The following MCF2L2 variants were observed in gnomAD, a reference collection of about 807,000 sequenced individuals.
MCF2L2 encodes probable guanine nucleotide exchange factor MCF2L2.
Under a neutral mutation model 150.2 loss-of-function variants are expected in MCF2L2, and 102 were observed. The ratio of observed to expected loss-of-function variants is 0.68; its 90% CI spans 0.58 to 0.80. The LOEUF (loss-of-function observed/expected upper bound fraction) is 0.80, where lower values mean the gene tolerates loss of function less well. MCF2L2 is among the 30% of genes least tolerant of loss of function. The pLI, the probability that MCF2L2 is intolerant of heterozygous loss-of-function variation, is 0.00. For missense variants in MCF2L2, 1,256 were observed against 1,372.8 expected (o/e 0.91, Z 1.34); for synonymous variants, 465 against 491.3 (o/e 0.95, Z 0.71).
At chr3:183,392,157 C>T (rs1714191846) in intron 1 of MCF2L2, among the ~76,000 whole-genome samples, 1 of 152,130 alleles carries the variant, frequency 6.6e-6, no homozygotes, top group African/African-American at 2.4e-5. Context: ...TTAAATTAAA[C>T]ATTTTAAAGA....
chr3:183,319,824 C>T (rs1332516653), intron 6 of MCF2L2, among the ~76,000 whole-genome samples: 2 of 152,168 alleles, frequency 1.3e-5, no homozygotes, highest in Non-Finnish European at 2.9e-5. Context: ...CATCCAGGCT[C>T]TGTTGTTCTA....
At chr3:183,191,506 T>C (rs1312838102) in intron 27 of MCF2L2, among the ~76,000 whole-genome samples, 1 of 152,172 alleles carries the variant, frequency 6.6e-6, no homozygotes, top group African/African-American at 2.4e-5. Flanking sequence ...AGTGCCAAAC[T>C]TGACTGCCAT....
intron 9 of MCF2L2, 62 bp downstream of exon 9, chr3:183,310,853 G>A (rs572953120): frequency 3.7e-6 from 4 of 1,080,244 alleles, no homozygotes; most frequent in Middle Eastern, 2.0e-4. Flanking sequence ...GAGTGAGGAG[G>A]GAGAGAAAAC....
chr3:183,234,027 C>G (rs1412366099), intron 15 of MCF2L2, among the ~76,000 whole-genome samples: 1 of 152,178 alleles, frequency 6.6e-6, no homozygotes, highest in Admixed American at 6.5e-5. Context: ...AAACATCATA[C>G]TTTACTAAGT....
chr3:183,381,431 C>T (rs892365681), intron 2 of MCF2L2, among the ~76,000 whole-genome samples: 3 of 152,220 alleles, frequency 2.0e-5, no homozygotes, highest in Admixed American at 1.3e-4. Flanking sequence ...GATCATCCAG[C>T]CAACTCTCTG....
chr3:183,181,947 G>A lies in MCF2L2; in HGVS notation c.3017-1788C>T, dbSNP rs1427105824. Among the ~76,000 whole-genome samples, 1 of 152,122 alleles carries A rather than the reference G, an allele frequency of 6.6e-6. No individual in the cohort carries two copies. Among genetic ancestry groups the A allele is most frequent in the Non-Finnish European group, 1.5e-5 (1 of 67,998 alleles). The stretch of plus-strand genomic sequence containing the variant: ...GTGGTACCTCCAGGTAAAATGATTA[G>A]TTGGTTCCAGCCCCTCTGCAGGGTA... On this transcript the variant is annotated intron_variant, in intron 27 of 29. Transcript: ENST00000328913. The surrounding 1 kb of genome is among the most constrained non-coding windows in gnomAD (Gnocchi z 4.3).
At chr3:183,241,874 G>A (rs774923309) in intron 15 of MCF2L2, among the ~76,000 whole-genome samples, 13 of 152,200 alleles carry the variant, frequency 8.5e-5, no homozygotes, top group Non-Finnish European at 8.8e-5. Flanking sequence ...TGACCAAAAT[G>A]CTGATAGTGA....
intron 14 of MCF2L2, among the ~76,000 whole-genome samples, chr3:183,288,171 G>A (rs1171803992): frequency 6.6e-6 from 1 of 152,206 alleles, no homozygotes; most frequent in Admixed American, 6.5e-5. Flanking sequence ...TCAGGAGGTA[G>A]CTGTTGTTAT....
At chr3:183,357,240 T>G (rs770239476) in intron 3 of MCF2L2, among the ~76,000 whole-genome samples, 17 of 152,182 alleles carry the variant, frequency 1.1e-4, no homozygotes, top group Middle Eastern at 6.8e-3. Context: ...AACTAGAAGA[T>G]TAAGAACACT....
chr3:183,180,239 A>G lies in MCF2L2; in HGVS notation c.3017-80T>C, dbSNP rs1324428312. 4 of 900,140 alleles carry G rather than the reference A, an allele frequency of 4.4e-6. No individual in the cohort carries two copies. In the South Asian group the frequency reaches 5.4e-5, roughly 12 times the overall value. The allele number at this position is 900,140 out of a possible 1,614,324, so 55.8% of individuals were successfully genotyped here. A position where few individuals can be genotyped will look rare whatever the true frequency, so the allele number is the denominator to read the frequency against. ...CTGCCCATGGCAGGGTGTAGCAGGC[A>G]GTGCCTGTTGCAGGCACGGTCCTCC... is the stretch of plus-strand genomic sequence containing the variant. On this transcript the variant is annotated intron_variant, in intron 27 of 29. Coordinates refer to ENST00000328913, the MANE Select transcript of MCF2L2 (RefSeq NM_015078.4).
intron 5 of MCF2L2, among the ~76,000 whole-genome samples, 182 bp downstream of exon 5, chr3:183,338,618 A>G (rs1308512536): frequency 6.6e-6 from 1 of 152,056 alleles, no homozygotes; most frequent in Admixed American, 6.6e-5. Flanking sequence ...GAGGCTTCCC[A>G]TGGGCCTCAG....
At chr3:183,238,313 T>C (rs1324502685) in intron 15 of MCF2L2, among the ~76,000 whole-genome samples, 1 of 151,920 alleles carries the variant, frequency 6.6e-6, no homozygotes, top group African/African-American at 2.4e-5. Flanking sequence ...TGTTTTGTTT[T>C]GAGACGGAGT....
intron 19 of MCF2L2, among the ~76,000 whole-genome samples, 166 bp downstream of exon 19, chr3:183,223,932 G>A (rs1008472987): frequency 6.6e-6 from 1 of 152,206 alleles, no homozygotes; most frequent in African/African-American, 2.4e-5. Flanking sequence ...GCTCCTCACA[G>A]GCCTATCCCA....
At chr3:183,195,966 G>A (rs543107305) in intron 25 of MCF2L2, among the ~76,000 whole-genome samples, 3 of 152,166 alleles carry the variant, frequency 2.0e-5, no homozygotes, top group Admixed American at 1.3e-4. Context: ...CGGGACTGAG[G>A]CTTTGCCTTG....
chr3:183,257,479 T>C (rs1459968296), intron 15 of MCF2L2, among the ~76,000 whole-genome samples: 3 of 152,236 alleles, frequency 2.0e-5, no homozygotes, highest in East Asian at 1.9e-4. Context: ...TAGTTAAATA[T>C]ACGTATTAAC....
chr3:183,338,984 C>G, intron 4 of MCF2L2, 65 bp from the exon 5 acceptor site: 2 of 1,517,142 alleles, frequency 1.3e-6, no homozygotes, highest in Non-Finnish European at 1.8e-6. Flanking sequence ...CCAGGGTCTA[C>G]TTTGGTCTCC....
At chr3:183,196,815 C>T (rs901932446) in intron 25 of MCF2L2, among the ~76,000 whole-genome samples, 1 of 152,104 alleles carries the variant, frequency 6.6e-6, no homozygotes, top group Non-Finnish European at 1.5e-5. Context: ...ATCTAAACCA[C>T]GTGCTGGGTC....
At chr3:183,388,734 T>C (rs1218355071) in intron 2 of MCF2L2, among the ~76,000 whole-genome samples, 1 of 152,174 alleles carries the variant, frequency 6.6e-6, no homozygotes, top group Non-Finnish European at 1.5e-5. Flanking sequence ...TAAGATGTGG[T>C]CACCCAGGAG....
intron 2 of MCF2L2, among the ~76,000 whole-genome samples, chr3:183,381,640 T>C (rs376908046): frequency 6.6e-5 from 10 of 152,276 alleles, no homozygotes; most frequent in African/African-American, 2.4e-4. Context: ...CAGAAACCAA[T>C]TGCTGTAGAA....
Sources: allele counts gnomAD v4.1 joint callset (sites outside exome capture counted in the v4.1 genomes callset), GRCh38; gene constraint gnomAD v4.1.1; non-coding constraint Gnocchi (gnomAD v3.1); transcripts MANE v1.5; gene names NCBI Gene and HGNC (gene_info 2026-07-23, HGNC 2026-07-21).